Variants in ZFHX3 observed in about 807,000 individuals in gnomAD.
ZFHX3 encodes the protein zinc finger homeobox protein 3.
Under a neutral mutation model 279.1 loss-of-function variants are expected in ZFHX3, and 42 were observed. That is an observed-to-expected ratio of 0.15 (90% CI 0.12 to 0.19). ZFHX3 has a LOEUF of 0.19. Among genes scored for constraint, ZFHX3 ranks in the 10% least tolerant of loss-of-function variants. ZFHX3 has a pLI of 1.00. For synonymous variants in ZFHX3, 2,293 were observed against 1,957.8 expected (o/e 1.17, Z -4.52); for missense variants, 4,981 against 4,754.0 (o/e 1.05, Z -1.40).
At chr16:73,051,553 T>C (rs1965450504), upstream of ZFHX3, among the ~76,000 whole-genome samples, 1 of 152,202 alleles carries the variant, frequency 6.6e-6, no homozygotes, top group East Asian at 1.9e-4. Flanking sequence ...GCTAATTCCA[T>C]AGATTAATTT....
At chr16:72,976,827 T>G (rs1962368314) in intron 1 of ZFHX3, among the ~76,000 whole-genome samples, 1 of 152,212 alleles carries the variant, frequency 6.6e-6, no homozygotes, top group Non-Finnish European at 1.5e-5. Flanking sequence ...ACCGCCGCCC[T>G]GAGACCCTGC....
intron 1 of ZFHX3, among the ~76,000 whole-genome samples, chr16:73,839,982 C>T (rs141017356): frequency 6.6e-6 from 1 of 152,182 alleles, no homozygotes; most frequent in Non-Finnish European, 1.5e-5. Flanking sequence ...TCTGTGTCCT[C>T]CCATGTTCAA....
chr16:73,426,166 T>C (rs1194044526), intron 3 of ZFHX3, among the ~76,000 whole-genome samples: 3 of 152,128 alleles, frequency 2.0e-5, no homozygotes, highest in Non-Finnish European at 2.9e-5. Flanking sequence ...AGCTCACTGG[T>C]GACAAATGGG....
At chr16:73,366,534 C>T (rs977211999) in intron 3 of ZFHX3, among the ~76,000 whole-genome samples, 11 of 149,680 alleles carry the variant, frequency 7.3e-5, no homozygotes, top group African/African-American at 2.2e-4. Flanking sequence ...GAGTTTGAGA[C>T]CAGCCTTGGC....
At chr16:73,286,804 TTG>T (rs2014614592) in intron 4 of ZFHX3, among the ~76,000 whole-genome samples, 1 of 138,024 alleles carries the variant, frequency 7.2e-6, no homozygotes, top group African/African-American at 2.8e-5. Flanking sequence ...GCTGTGTGGG[TTG>T]GTGTGTGGCT....
chr16:73,545,661 A>T (rs1216260056), intron 2 of ZFHX3, among the ~76,000 whole-genome samples: 1 of 152,160 alleles, frequency 6.6e-6, no homozygotes, highest in Non-Finnish European at 1.5e-5. Context: ...TCTTTGAAAC[A>T]GTTTATAACA....
chr16:73,134,388 G>C (rs1254086446), intron 6 of ZFHX3: 1 of 132,736 alleles, frequency 7.5e-6, no homozygotes, highest in African/African-American at 2.8e-5. Flanking sequence ...CTGTCGCCCA[G>C]GCTGGCATGC....
At chr16:72,949,021 A>T (rs752060804) in intron 3 of ZFHX3, among the ~76,000 whole-genome samples, 5 of 152,222 alleles carry the variant, frequency 3.3e-5, no homozygotes, top group Non-Finnish European at 7.3e-5. Context: ...GTCCACAGTC[A>T]GTTCCAGAAC....
chr16:73,046,860 CT>C (rs1336271420), intron 1 of ZFHX3, among the ~76,000 whole-genome samples: 5 of 142,548 alleles, frequency 3.5e-5, no homozygotes, highest in Non-Finnish European at 7.4e-5. Flanking sequence ...CTGTCAGTGG[CT>C]TTAGGGAGTC....
At chr16:73,835,631 C>T (rs924536243) in intron 1 of ZFHX3, among the ~76,000 whole-genome samples, 1 of 151,882 alleles carries the variant, frequency 6.6e-6, no homozygotes, top group Non-Finnish European at 1.5e-5. Flanking sequence ...CCACCATGCC[C>T]AGTTAAACTT....
At chr16:73,813,056 A>T (rs1312448217) in intron 1 of ZFHX3, among the ~76,000 whole-genome samples, 1 of 152,226 alleles carries the variant, frequency 6.6e-6, no homozygotes, top group African/African-American at 2.4e-5. Flanking sequence ...TACTTTAAAT[A>T]GAGCTGGAAA....
At chr16:73,621,516 GT>G (rs777607472) in intron 2 of ZFHX3, among the ~76,000 whole-genome samples, 11 of 152,120 alleles carry the variant, frequency 7.2e-5, no homozygotes, top group Non-Finnish European at 5.9e-5. Context: ...AATCTAAATG[GT>G]TGTGTTTATT....
chr16:73,878,940 GAT>G (rs3082335), intron 1 of ZFHX3, among the ~76,000 whole-genome samples: 6,135 of 140,910 alleles, frequency 0.044, 136 homozygotes, highest in African/African-American at 0.064. Context: ...AAAAAGATAA[GAT>G]ATATATATAT....
At chr16:73,541,344 G>T (rs566233689) in intron 2 of ZFHX3, among the ~76,000 whole-genome samples, 1 of 152,180 alleles carries the variant, frequency 6.6e-6, no homozygotes, top group Admixed American at 6.5e-5. Context: ...AACTTAGCCA[G>T]GCCTGTGGGT....
At chr16:73,392,793 G>C (rs529361249) in intron 3 of ZFHX3, among the ~76,000 whole-genome samples, 12 of 152,060 alleles carry the variant, frequency 7.9e-5, no homozygotes, top group Non-Finnish European at 1.2e-4. Context: ...ATGAAACGTC[G>C]AATAAGGCAG....
At chr16:73,141,482 C>T (rs1966847705) in intron 6 of ZFHX3, among the ~76,000 whole-genome samples, 1 of 151,590 alleles carries the variant, frequency 6.6e-6, no homozygotes, top group Admixed American at 6.6e-5. Context: ...ATTATAGCCT[C>T]GAACTCCTGG....
At chr16:73,068,788 C>T (rs1965788459) in intron 8 of ZFHX3, among the ~76,000 whole-genome samples, 1 of 152,202 alleles carries the variant, frequency 6.6e-6, no homozygotes, top group Non-Finnish European at 1.5e-5. Context: ...AAGGCAGGCC[C>T]CTTGGGAACT....
rs2011623420 is a variant in ZFHX3, at chr16:73,201,892, C to G, written c.-1104+55155G>C. On this transcript the variant is annotated intron_variant, in intron 5 of 17. Transcript: ENST00000641206. ...CTTATTAGAAAGAATTGCTGCCTGT[C>G]CTTCATGCTTCCTACATATTGATGA... 2.6e-5 allele frequency among the ~76,000 whole-genome samples: 4 copies of G among 152,160 alleles called. No individual in the cohort carries two copies. The South Asian group carries it at 8.3e-4, about 31-fold the overall frequency.
At chr16:72,951,049 C>A (rs1164791908) in intron 2 of ZFHX3, 84 bp from the exon 3 acceptor site, 5 of 1,531,820 alleles carry the variant, frequency 3.3e-6, no homozygotes, top group Admixed American at 3.9e-5. Flanking sequence ...CCCTCCGCCA[C>A]CCTCAACTGG....
Sources: gnomAD v4.1 joint callset for allele counts (sites outside exome capture counted in the v4.1 genomes callset) on GRCh38, gnomAD v4.1.1 for gene constraint, MANE v1.5 for transcripts, NCBI Gene and HGNC (gene_info 2026-07-23, HGNC 2026-07-21) for gene names.